OTULIN: variants seen among roughly 807,000 people sequenced by gnomAD.
The protein encoded by OTULIN is ubiquitin thioesterase otulin.
OTULIN carries 15 observed loss-of-function variants against 39.6 expected under a neutral mutation model. The observed-to-expected ratio is 0.38, with a 90% CI of 0.25 to 0.58. The LOEUF (loss-of-function observed/expected upper bound fraction) is 0.58, where lower values mean the gene tolerates loss of function less well. Among genes scored for constraint, OTULIN ranks in the 20% least tolerant of loss-of-function variants. The pLI, the probability that OTULIN is intolerant of heterozygous loss-of-function variation, is 0.66. For synonymous variants in OTULIN, 156 were observed against 170.3 expected (o/e 0.92, Z 0.65); for missense variants, 319 against 445.9 (o/e 0.72, Z 2.56).
the OTULIN span, chr5:14,710,888 C>G: frequency 2.3e-5 from 9 of 389,392 alleles, no homozygotes; most frequent in African/African-American, 1.7e-4. Context: ...GGAGATTGTC[C>G]AGGGGAGGAG....
chr5:14,712,160 G>T, the OTULIN span, among the ~76,000 whole-genome samples: 1 of 152,188 alleles, frequency 6.6e-6, no homozygotes, highest in Non-Finnish European at 1.5e-5. Context: ...CCCCTCAGCT[G>T]CCATGGCTGG....
chr5:14,707,371 T>C, the OTULIN span: 2 of 151,990 alleles, frequency 1.3e-5, no homozygotes, highest in African/African-American at 2.4e-5. Flanking sequence ...GAAAAGTTAC[T>C]CTCCCCCTGC....
intron 1 of OTULIN, among the ~76,000 whole-genome samples, chr5:14,671,855 A>C (rs1012750254): frequency 6.6e-6 from 1 of 152,222 alleles, no homozygotes; most frequent in African/African-American, 2.4e-5. Context: ...TAGCTTACTT[A>C]ATTTTGAGTG....
chr5:14,678,724 C>T lies in OTULIN; in HGVS notation c.273C>T (p.Tyr91=). Residue 91 remains tyrosine (Y), a synonymous_variant, in exon 3 of 7, where the codon TAC becomes TAT. Transcript: ENST00000284274. The stretch of plus-strand genomic sequence containing the variant: ...CTCCTGAAATGGATATCATGGACTA[C>T]TGCAAAAAAGAATGGAGAGGAAATA... ...SVAPEMDIMD[Y]CKKEWRGNTQ... is the part of the protein sequence containing the mutation. The T allele has an allele frequency of 6.2e-7, 1 of 1,603,790 alleles. No homozygotes were observed.
At chr5:14,670,342 T>A (rs1458175820) in intron 1 of OTULIN, among the ~76,000 whole-genome samples, 1 of 152,244 alleles carries the variant, frequency 6.6e-6, no homozygotes, top group Non-Finnish European at 1.5e-5. Flanking sequence ...TGGCCTTTAG[T>A]ATCATTTCAT....
chr5:14,672,693 C>T (rs1171446265), intron 1 of OTULIN, among the ~76,000 whole-genome samples: 1 of 152,130 alleles, frequency 6.6e-6, no homozygotes, highest in African/African-American at 2.4e-5. Context: ...CTTGATGCCT[C>T]CAGTTCCTGA....
At chr5:14,712,939 G>A in the OTULIN span, 2 of 1,613,638 alleles carry the variant, frequency 1.2e-6, no homozygotes, top group Non-Finnish European at 1.7e-6. Context: ...AAGCCCGCCA[G>A]GAGGGAGCCC....
intron 6 of OTULIN, among the ~76,000 whole-genome samples, chr5:14,691,107 TGA>T (rs1409120547): frequency 3.9e-5 from 6 of 152,242 alleles, no homozygotes; most frequent in African/African-American, 1.2e-4. Context: ...CCAATATAGT[TGA>T]GTCACCACAC....
chr5:14,679,802 T>C (rs761594026), intron 3 of OTULIN, among the ~76,000 whole-genome samples: 3 of 152,254 alleles, frequency 2.0e-5, no homozygotes, highest in African/African-American at 4.8e-5. Context: ...AAGTCTGATA[T>C]GTAGATGCTT....
chr5:14,702,496 A>G (rs140148874), downstream of OTULIN, among the ~76,000 whole-genome samples: 59 of 152,296 alleles, frequency 3.9e-4, no homozygotes, highest in East Asian at 0.011. Context: ...AGCCATTTGT[A>G]TACTTTTCTG....
intron 3 of OTULIN, 54 bp from the exon 4 acceptor site, chr5:14,681,410 C>A: frequency 1.3e-6 from 2 of 1,539,146 alleles, no homozygotes; most frequent in South Asian, 1.3e-5. Context: ...GAAACTTTCT[C>A]TGCTATCTCA....
At chr5:14,691,708 C>T (rs1366321977) in intron 6 of OTULIN, among the ~76,000 whole-genome samples, 1 of 151,778 alleles carries the variant, frequency 6.6e-6, no homozygotes. Flanking sequence ...AATTTTAGAG[C>T]ATTTTGTCAA....
chr5:14,706,263 A>C, the OTULIN span: 4 of 152,226 alleles, frequency 2.6e-5, no homozygotes, highest in Non-Finnish European at 4.4e-5. Context: ...GCCACCTATA[A>C]AAGTGCATAT....
intron 1 of OTULIN, among the ~76,000 whole-genome samples, chr5:14,668,379 T>C (rs1406216380): frequency 6.6e-6 from 1 of 152,232 alleles, no homozygotes; most frequent in East Asian, 1.9e-4. Flanking sequence ...CATGAGCCAG[T>C]CGTGGAAAGT....
intron 1 of OTULIN, among the ~76,000 whole-genome samples, chr5:14,665,892 G>T (rs1392650775): frequency 1.3e-5 from 2 of 152,146 alleles, no homozygotes; most frequent in East Asian, 3.9e-4. Context: ...AGCCCCCTTG[G>T]GATGGTGTTA....
At chr5:14,666,479 G>T (rs1295288786) in intron 1 of OTULIN, among the ~76,000 whole-genome samples, 1 of 152,134 alleles carries the variant, frequency 6.6e-6, no homozygotes, top group Non-Finnish European at 1.5e-5. Context: ...TGGCTGGAGA[G>T]ACCCTGATGC....
At chr5:14,673,917 A>G (rs141067398) in intron 2 of OTULIN, 199 bp downstream of exon 2, 2 of 393,052 alleles carry the variant, frequency 5.1e-6, no homozygotes, top group East Asian at 8.7e-5. Flanking sequence ...TTCTCTCTGC[A>G]TTCTTTACAT....
downstream of OTULIN, among the ~76,000 whole-genome samples, chr5:14,703,324 CAAAAAAAAAAAAAAAAA>C (rs59779015): frequency 2.4e-3 from 298 of 122,096 alleles, 3 homozygotes; most frequent in African/African-American, 8.1e-3. Flanking sequence ...TTAATAGTGT[CAAAAAAAAAAAAAAAAA>C]AAAAAAAAAA....
chr5:14,672,652 G>A (rs925087044), intron 1 of OTULIN, among the ~76,000 whole-genome samples: 1 of 152,116 alleles, frequency 6.6e-6, no homozygotes, highest in Non-Finnish European at 1.5e-5. Flanking sequence ...CTTGTTTTCT[G>A]CTCAGTGTGT....
Sources: allele counts gnomAD v4.1 joint callset (sites outside exome capture counted in the v4.1 genomes callset), GRCh38; gene constraint gnomAD v4.1.1; transcripts MANE v1.5; gene names NCBI Gene and HGNC (gene_info 2026-07-23, HGNC 2026-07-21).